Variants in JAG2 observed in about 807,000 individuals in gnomAD.
JAG2 encodes jagged canonical Notch ligand 2.
Under a neutral mutation model 141.7 loss-of-function variants are expected in JAG2, and 46 were observed. The ratio of observed to expected loss-of-function variants is 0.32; its 90% confidence interval spans 0.26 to 0.42. The LOEUF is 0.42. Ranked by LOEUF, JAG2 falls within the 10% of genes least tolerant of loss-of-function variation. The probability of loss-of-function intolerance (pLI) is 1.00; values close to 1 mark genes in which losing one functional copy is unlikely to be tolerated. For synonymous variants in JAG2, 862 were observed against 763.5 expected (o/e 1.13, Z -2.13); for missense variants, 1,500 against 1,817.5 (o/e 0.83, Z 3.18).
chr14:105,157,105 G>A (rs1046642769), intron 3 of JAG2, among the ~76,000 whole-genome samples: 3 of 152,040 alleles, frequency 2.0e-5, no homozygotes, highest in Non-Finnish European at 4.4e-5. Context: ...GCTCCTCCTC[G>A]GTCTGTGTCC....
At chr14:105,156,066 G>A (rs1888574779) in intron 3 of JAG2, 77 bp from the exon 4 acceptor site, 3 of 1,555,922 alleles carry the variant, frequency 1.9e-6, no homozygotes, top group Non-Finnish European at 2.6e-6. Context: ...ACGGGGACGG[G>A]GCAGAAGCCT....
At position 105,148,487 on chromosome 14, in the gene JAG2, G is replaced by A. The variant is rs1566761547; in HGVS notation, c.2021-48C>T. The A allele has an allele frequency of 1.1e-5, 15 of 1,421,526 alleles. 1 individual carries two copies. The highest frequency in any genetic ancestry group is 1.3e-5 in the Non-Finnish European group (13 of 1,017,396). 88.1% of individuals were successfully genotyped at this position (1,421,526 alleles called of 1,614,324 possible). On this transcript the variant is annotated intron_variant, in intron 15 of 25. Transcript: ENST00000331782. ...GCGGGCGGGGGGTCACCGGCGCTCA[G>A]GGAGGGCTTCCCGGGGGAGGAAGCA...
At position 105,142,998 on chromosome 14, in the gene JAG2, A is replaced by ATGGGGTTGCGG; in HGVS notation, c.3413_3414insCCGCAACCCCA (p.Glu1139ArgfsTer235). 1 of 1,607,992 alleles carries ATGGGGTTGCGG rather than the reference A, an allele frequency of 6.2e-7. No individual in the cohort carries two copies. Among genetic ancestry groups the ATGGGGTTGCGG allele is most frequent in the Non-Finnish European group, 8.5e-7 (1 of 1,179,412 alleles). Reference sequence around the variant, plus strand: ...CGTCCTTGTGGCCCCCCGGCCGCTCAATGGGGTTGCGGATGGGGTTGAGCG... The same window carrying ATGGGGTTGCGG: ...CGTCCTTGTGGCCCCCCGGCCGCTCATGGGGTTGCGGATGGGGTTGCGGATGGGGTTGAGCG... On this transcript the variant is annotated frameshift_variant, in exon 26 of 26. Coordinates refer to ENST00000331782, the MANE Select transcript of JAG2 (RefSeq NM_002226.5). LOFTEE classifies it low-confidence loss of function (END_TRUNC).
chr14:105,148,931 A>C lies in JAG2; in HGVS notation c.1906+6T>G. On this transcript the variant is annotated splice_donor_region_variant and intron_variant, in intron 14 of 25. Coordinates refer to ENST00000331782, the MANE Select transcript of JAG2 (RefSeq NM_002226.5). ...CACCACCAGCCCGCCGTTCGTGGCC[A>C]CTCACTCTCATGGCAGTAGGTGCCA... The C allele has an allele frequency of 6.2e-7, 1 of 1,603,634 alleles. No homozygotes were observed. The highest frequency in any genetic ancestry group is 8.5e-7 in the Non-Finnish European group (1 of 1,175,898).
intron 15 of JAG2, 39 bp downstream of exon 15, chr14:105,148,706 G>T: frequency 6.7e-7 from 1 of 1,482,800 alleles, no homozygotes; most frequent in Non-Finnish European, 9.2e-7. Context: ...CCACAGGGGT[G>T]GAGGCACAGG....
Position 105,151,686 on chromosome 14 carries a change from C to T in JAG2, c.1093G>A (p.Val365Met). ...CAGTGGCATTCGAAGCCGGACGGCACCTCATGGCAAGAGCCCCCGTTGGCA... is the reference window on the plus strand; with the variant it reads ...CAGTGGCATTCGAAGCCGGACGGCATCTCATGGCAAGAGCCCCCGTTGGCA... Reference protein sequence around the residue: ...PCANGGSCHEVPSGFECHCPS... With the variant: ...PCANGGSCHEMPSGFECHCPS... Residue 365 changes from valine (V) to methionine (M), a missense_variant, in exon 8 of 26, where the codon GTG becomes ATG. Val to Met is a conservative substitution (Grantham distance 21). This residue lies in a region of JAG2 where 875 missense variants were observed against 1,202.2 expected (regional missense o/e 0.73). Coordinates refer to ENST00000331782, the MANE Select transcript of JAG2 (RefSeq NM_002226.5). The T allele has an allele frequency of 6.2e-7, 1 of 1,611,558 alleles. No individual in the cohort carries two copies. Among genetic ancestry groups the T allele is most frequent in the South Asian group, 1.1e-5 (1 of 90,680 alleles).
rs587754871 is a variant in JAG2 at position 105,142,174 on chromosome 14, G to A, written c.*521C>T. The A allele has an allele frequency of 6.4e-5, 10 of 156,414 alleles. No homozygotes were observed. The South Asian group carries it at 9.8e-4, about 15-fold the overall frequency. 9.7% of individuals were successfully genotyped at this position (156,414 alleles called of 1,614,324 possible). A position where few individuals can be genotyped will look rare whatever the true frequency, so the allele number is the denominator to read the frequency against. ...CCACATCAATAACCAGGGTCCCACCGACCACCGTAGGTCCCACCGACAGCC... is the reference window on the plus strand; with the variant it reads ...CCACATCAATAACCAGGGTCCCACCAACCACCGTAGGTCCCACCGACAGCC... On this transcript the variant is annotated 3_prime_UTR_variant, in exon 26 of 26. Transcript: ENST00000331782.
intron 2 of JAG2, among the ~76,000 whole-genome samples, chr14:105,162,769 TGTACCCACAGTCCAGG>T (rs55654848): frequency 0.3 from 34,555 of 115,886 alleles, 5,333 homozygotes; most frequent in East Asian, 0.49. Flanking sequence ...CATGGCCCAG[TGTACCCACAGTCCAGG>T]GCACCCCAAA....
rs1182995132 is a variant in JAG2 at position 105,167,304 on chromosome 14, C to T, written c.417+453G>A. Reference sequence around the variant, plus strand: ...CTAGGTCCCACGGCGCCCGCCCGTGCCCCCCAGGCATCCAGGAAACTGCAG... The same window carrying T: ...CTAGGTCCCACGGCGCCCGCCCGTGTCCCCCAGGCATCCAGGAAACTGCAG... On this transcript the variant is annotated intron_variant, in intron 2 of 25. Coordinates refer to ENST00000331782, the MANE Select transcript of JAG2 (RefSeq NM_002226.5). The surrounding 1 kb of genome is among the most constrained non-coding windows in gnomAD (Gnocchi z 4.8). 6.6e-6 allele frequency among the ~76,000 whole-genome samples: 1 copy of T among 152,058 alleles called. No homozygotes were observed. Among genetic ancestry groups the T allele is most frequent in the Admixed American group, 6.5e-5 (1 of 15,286 alleles).
chr14:105,149,311 C>A lies in JAG2; in HGVS notation c.1612G>T (p.Asp538Tyr), dbSNP rs9972231. ...FSGPLCEVDV[D>Y]LCEPSPCRNG... The stretch of plus-strand genomic sequence containing the variant: ...CGGCAGGGGCTTGGCTCACAAAGGT[C>A]GACATCCACCTGCAGGGTGGGGGGT... Residue 538 changes from aspartate (D) to tyrosine (Y), a missense_variant, in exon 13 of 26, where the codon GAC becomes TAC. Asp to Tyr is a radical substitution (Grantham distance 160). This residue lies in a region of JAG2 where 875 missense variants were observed against 1,202.2 expected (regional missense o/e 0.73). Transcript: ENST00000331782. 2.5e-6 allele frequency: 4 copies of A among 1,612,468 alleles called. No individual in the cohort carries two copies. Among genetic ancestry groups the A allele is most frequent in the African/African-American group, 1.3e-5 (1 of 74,932 alleles).
intron 1 of JAG2, 47 bp from the exon 2 acceptor site, chr14:105,168,154 C>T (rs1888980665): frequency 7.0e-7 from 1 of 1,421,006 alleles, no homozygotes; most frequent in Non-Finnish European, 9.2e-7. Context: ...GGGCCGGGGT[C>T]GGCGGGCCGG....
intron 22 of JAG2, 148 bp downstream of exon 22, chr14:105,146,237 C>A (rs1039807990): frequency 2.4e-6 from 2 of 821,246 alleles, no homozygotes; most frequent in Non-Finnish European, 3.9e-6. Context: ...TGGGGCCTGG[C>A]TGAGCTCTCG....
At chr14:105,147,751 C>T in intron 18 of JAG2, 21 bp downstream of exon 18, 7 of 1,504,912 alleles carry the variant, frequency 4.7e-6, no homozygotes, top group Non-Finnish European at 6.3e-6. Context: ...CGGCCCCCGC[C>T]CACACCCCTC....
rs973272911 is a variant in JAG2, at chr14:105,143,485, T to C, written c.3238A>G (p.Thr1080Ala). Residue 1080 changes from threonine to alanine, a missense_variant, in exon 25 of 26, where the codon ACA (threonine) becomes GCA (alanine). Around this residue, in one of 3 missense-constraint regions of JAG2, gnomAD observed 425 missense variants for 441.0 expected, o/e 0.96. Coordinates refer to ENST00000331782, the MANE Select transcript of JAG2 (RefSeq NM_002226.5). Reference sequence around the variant, plus strand: ...GGGGCCCACCTCCCGCGCTTACCTGTGGAAGAGCCGCCCGTAACAACCGTC... The same window carrying C: ...GGGGCCCACCTCCCGCGCTTACCTGCGGAAGAGCCGCCCGTAACAACCGTC... ...VETVVTGGSS[T>A]GLLVPVLCGA... 66 of 1,553,236 alleles carry C rather than the reference T, an allele frequency of 4.2e-5. No individual in the cohort carries two copies. The Middle Eastern group carries it at 1.5e-3, about 36-fold the overall frequency.
chr14:105,143,000 T>C lies in JAG2; in HGVS notation c.3412A>G (p.Ile1138Val). 1 of 1,607,488 alleles carries C rather than the reference T, an allele frequency of 6.2e-7. No homozygotes were observed. The highest frequency in any genetic ancestry group is 8.5e-7 in the Non-Finnish European group (1 of 1,179,204). Reference protein sequence around the residue: ...WAPLNPIRNPIERPGGHKDVL... With the variant: ...WAPLNPIRNPVERPGGHKDVL... Reference sequence around the variant, plus strand: ...TCCTTGTGGCCCCCCGGCCGCTCAATGGGGTTGCGGATGGGGTTGAGCGGG... The same window carrying C: ...TCCTTGTGGCCCCCCGGCCGCTCAACGGGGTTGCGGATGGGGTTGAGCGGG... Residue 1138 changes from isoleucine to valine, a missense_variant, in exon 26 of 26, where the codon ATT (isoleucine) becomes GTT (valine). By Grantham distance (29) the Ile-to-Val change is conservative. Coordinates refer to ENST00000331782, the MANE Select transcript of JAG2 (RefSeq NM_002226.5).
chr14:105,159,573 G>A (rs887455207), intron 2 of JAG2, among the ~76,000 whole-genome samples: 87 of 66,638 alleles, frequency 1.3e-3, no homozygotes, highest in Non-Finnish European at 1.8e-3. Flanking sequence ...ACCCCCCGCC[G>A]AGCTCTGTTT....
chr14:105,143,706 ACT>A lies in JAG2; in HGVS notation c.3085-70_3085-69del, dbSNP rs587724650. ...AGGCTCCCAGCAGCCTGCCCCCAAC[ACT>A]GAGGCCCTGGCCACACTGGAGCAAG... On this transcript the variant is annotated intron_variant, in intron 24 of 25. Coordinates refer to ENST00000331782, the MANE Select transcript of JAG2 (RefSeq NM_002226.5). 5,138 of 1,574,842 alleles carry A rather than the reference ACT, an allele frequency of 3.3e-3. 22 individuals carry two copies. The highest frequency in any genetic ancestry group is 5.9e-3 in the South Asian group (519 of 88,576).
At chr14:105,153,703 G>A (rs1888503856) in intron 5 of JAG2, among the ~76,000 whole-genome samples, 1 of 152,182 alleles carries the variant, frequency 6.6e-6, no homozygotes, top group Admixed American at 6.5e-5. Flanking sequence ...GGCAGGCGGA[G>A]CTCACCTACT....
At chr14:105,152,397 G>A (rs1888464524) in intron 5 of JAG2, 106 bp from the exon 6 acceptor site, 28 of 1,361,044 alleles carry the variant, frequency 2.1e-5, no homozygotes, top group African/African-American at 2.9e-5. Context: ...CCGGCGGGCG[G>A]CCTCAGGCCT....
Sources: gnomAD v4.1 joint callset for allele counts (sites outside exome capture counted in the v4.1 genomes callset) on GRCh38, gnomAD v4.1.1 for gene constraint, gnomAD v4.1.1 regional missense constraint, Gnocchi (gnomAD v3.1) non-coding constraint, MANE v1.5 for transcripts, NCBI Gene and HGNC (gene_info 2026-07-23, HGNC 2026-07-21) for gene names.